DOCK7: variants seen among roughly 807,000 people sequenced by gnomAD.
DOCK7 encodes the protein dedicator of cytokinesis protein 7.
In DOCK7, 138 loss-of-function variants were observed where a neutral mutation model predicts 271.0. The observed-to-expected ratio is 0.51, with a 90% CI of 0.44 to 0.59. DOCK7 has a LOEUF of 0.59. Ranked by LOEUF, DOCK7 falls within the 20% of genes least tolerant of loss-of-function variation. The pLI is 0.00. For synonymous variants in DOCK7, 823 were observed against 876.1 expected, an observed-to-expected ratio of 0.94 and a Z score of 1.07; for missense variants, 2,066 against 2,592.4, an observed-to-expected ratio of 0.80 and a Z score of 4.41.
intron 38 of DOCK7, 111 bp downstream of exon 38, chr1:62,496,228 A>G: frequency 8.2e-7 from 1 of 1,224,532 alleles, no homozygotes. Context: ...TGTGGATTGA[A>G]AATGAAATAA....
chr1:62,685,431 T>C (rs1398859328), intron 1 of DOCK7, among the ~76,000 whole-genome samples: 2 of 152,186 alleles, frequency 1.3e-5, no homozygotes, highest in African/African-American at 2.4e-5. Context: ...GAACCTTTCA[T>C]TCACAATAAG....
intron 20 of DOCK7, among the ~76,000 whole-genome samples, chr1:62,558,441 C>G (rs1185616230): frequency 6.6e-6 from 1 of 152,054 alleles, no homozygotes; most frequent in Non-Finnish European, 1.5e-5. Context: ...TGGGTGAAAG[C>G]TGTTGGTAAA....
At chr1:62,564,784 A>G (rs1646454271) in intron 18 of DOCK7, among the ~76,000 whole-genome samples, 1 of 152,188 alleles carries the variant, frequency 6.6e-6, no homozygotes, top group African/African-American at 2.4e-5. Flanking sequence ...GGAAAAGATC[A>G]ACAAAATAGA....
chr1:62,549,460 A>C (rs1287003940), intron 22 of DOCK7, among the ~76,000 whole-genome samples: 6 of 152,218 alleles, frequency 3.9e-5, no homozygotes, highest in Admixed American at 1.3e-4. Context: ...ATAGCAAGTA[A>C]GGTAGCAGTT....
At chr1:62,523,641 G>A (rs1644915242) in intron 31 of DOCK7, among the ~76,000 whole-genome samples, 1 of 152,130 alleles carries the variant, frequency 6.6e-6, no homozygotes, top group African/African-American at 2.4e-5. Flanking sequence ...GGTCGAGATG[G>A]GCAGATCACG....
At chr1:62,663,706 A>G (rs1253384867) in intron 1 of DOCK7, among the ~76,000 whole-genome samples, 2 of 151,998 alleles carry the variant, frequency 1.3e-5, no homozygotes, top group Non-Finnish European at 2.9e-5. Context: ...CTTCTCTTCA[A>G]TTCCTCCTTC....
chr1:62,642,575 C>A (rs1477166599), intron 7 of DOCK7, among the ~76,000 whole-genome samples: 3 of 152,068 alleles, frequency 2.0e-5, no homozygotes, highest in African/African-American at 4.8e-5. Context: ...ATATCAATAT[C>A]TTTATTATTC....
Position 62,529,257 on chromosome 1 carries a change from G to T in DOCK7, c.3781+20C>A. The T allele has an allele frequency of 1.3e-6, 2 of 1,553,404 alleles. No homozygotes were observed. Among genetic ancestry groups the T allele is most frequent in the South Asian group, 1.2e-5 (1 of 80,478 alleles). On this transcript the variant is annotated intron_variant, in intron 30 of 49. Transcript: ENST00000635253. ...ACATTGAGCTTTGCCTTTAATATTT[G>T]CCTTAATTATACTAGGTACCTGTAA...
At chr1:62,534,238 G>A (rs780373403) in intron 29 of DOCK7, among the ~76,000 whole-genome samples, 13 of 152,070 alleles carry the variant, frequency 8.5e-5, no homozygotes, top group Non-Finnish European at 1.3e-4. Flanking sequence ...GACCTCAAGT[G>A]ATCTGACTGT....
At chr1:62,630,305 G>T (rs1654459108) in intron 11 of DOCK7, among the ~76,000 whole-genome samples, 1 of 152,106 alleles carries the variant, frequency 6.6e-6, no homozygotes, top group African/African-American at 2.4e-5. Flanking sequence ...TACATAAACT[G>T]CATGCTTTTT....
Position 62,568,806 on chromosome 1 carries a change from GTTT to G in DOCK7, c.2113-7106_2113-7104del, listed in dbSNP as rs201445886. 2.8e-5 allele frequency among the ~76,000 whole-genome samples: 4 copies of G among 141,130 alleles called. No individual in the cohort carries two copies. In the South Asian group the frequency reaches 9.3e-4, roughly 33 times the overall value. The allele number at this position is 141,130 out of a possible 152,430, so 92.6% of individuals were successfully genotyped here. ...CAAAAAATTAACAGATCCAGAAGCT[GTTT>G]TTTTTTTTGAAAAAATTAATAAAAT... On this transcript the variant is annotated intron_variant, in intron 18 of 49. Transcript: ENST00000635253.
At chr1:62,491,612 TC>T (rs1279277048) in intron 41 of DOCK7, among the ~76,000 whole-genome samples, 1 of 152,166 alleles carries the variant, frequency 6.6e-6, no homozygotes, top group African/African-American at 2.4e-5. Flanking sequence ...GGCCCAGGCC[TC>T]CAATAACTAC....
At chr1:62,473,954 A>G in intron 48 of DOCK7, 28 bp downstream of exon 48, 1 of 1,579,964 alleles carries the variant, frequency 6.3e-7, no homozygotes, top group Non-Finnish European at 8.7e-7. Flanking sequence ...CTCAATTTGA[A>G]GATCTTTACG....
At chr1:62,503,230 A>G (rs1571318056) in intron 37 of DOCK7, among the ~76,000 whole-genome samples, 1 of 130,242 alleles carries the variant, frequency 7.7e-6, no homozygotes, top group South Asian at 2.7e-4. Flanking sequence ...GAGACACAAT[A>G]ATGTAATTAA....
intron 14 of DOCK7, chr1:62,604,864 C>T (rs753175818): frequency 6.5e-7 from 1 of 1,527,234 alleles, no homozygotes; most frequent in Non-Finnish European, 9.0e-7. Flanking sequence ...AACCTCATTC[C>T]AAGTTAATGT....
In DOCK7 at chr1:62,632,851, C is replaced by G. The variant is rs555449490; in HGVS notation, c.1116+647G>C. Among the ~76,000 whole-genome samples the G allele has an allele frequency of 3.9e-5, 6 of 152,004 alleles. No homozygotes were observed. The South Asian group carries it at 1.3e-3, about 32-fold the overall frequency. On this transcript the variant is annotated intron_variant, in intron 10 of 49. Transcript: ENST00000635253. ...AATTAGCTGGGTGTGGTGGCACATGCCTGTAATTTGAGCTGCTTGGGAGGC... is the reference window on the plus strand; with the variant it reads ...AATTAGCTGGGTGTGGTGGCACATGGCTGTAATTTGAGCTGCTTGGGAGGC...
intron 14 of DOCK7, chr1:62,603,903 T>TA: frequency 2.0e-6 from 3 of 1,514,474 alleles, no homozygotes; most frequent in Non-Finnish European, 1.8e-6. Context: ...AAAAAACACT[T>TA]AAAAAAACTG....
intron 14 of DOCK7, among the ~76,000 whole-genome samples, chr1:62,606,313 C>T (rs931568444): frequency 6.7e-6 from 1 of 148,972 alleles, no homozygotes; most frequent in Non-Finnish European, 1.5e-5. Context: ...ATTTGGTTTC[C>T]TTAAAAAAAA....
chr1:62,617,160 G>A (rs1321938430), intron 14 of DOCK7, among the ~76,000 whole-genome samples: 2 of 150,784 alleles, frequency 1.3e-5, no homozygotes, highest in Non-Finnish European at 3.0e-5. Context: ...GATGACAATT[G>A]TACAGTAAGC....
Sources: allele counts gnomAD v4.1 joint callset (sites outside exome capture counted in the v4.1 genomes callset), GRCh38; gene constraint gnomAD v4.1.1; transcripts MANE v1.5; gene names NCBI Gene and HGNC (gene_info 2026-07-23, HGNC 2026-07-21).